NR6A1: variants seen among roughly 807,000 people sequenced by gnomAD.
NR6A1 encodes the protein nuclear receptor subfamily 6 group A member 1.
NR6A1 carries 7 observed loss-of-function variants against 59.1 expected under a neutral mutation model. The ratio of observed to expected loss-of-function variants is 0.12; its 90% CI spans 0.07 to 0.22. The LOEUF is 0.22. NR6A1 is among the 10% of genes least tolerant of loss of function. The probability of loss-of-function intolerance (pLI) is 1.00; values close to 1 mark genes in which losing one functional copy is unlikely to be tolerated. For missense variants in NR6A1, 468 were observed against 611.6 expected, an observed-to-expected ratio of 0.77 and a Z score of 2.48; for synonymous variants, 243 against 236.1, an observed-to-expected ratio of 1.03 and a Z score of -0.27.
At chr9:124,618,353 T>C (rs1223583044) in intron 2 of NR6A1, among the ~76,000 whole-genome samples, 2 of 152,022 alleles carry the variant, frequency 1.3e-5, no homozygotes, top group East Asian at 3.9e-4. Flanking sequence ...CGTGGTGGCA[T>C]GTGCCTGTAA....
intron 1 of NR6A1, among the ~76,000 whole-genome samples, chr9:124,750,879 G>A (rs983362730): frequency 6.6e-6 from 1 of 152,144 alleles, no homozygotes; most frequent in Non-Finnish European, 1.5e-5. Context: ...ATTGAAGTCT[G>A]GCTTTAATTC....
chr9:124,536,424 C>T (rs925099982), intron 6 of NR6A1, among the ~76,000 whole-genome samples: 1 of 152,108 alleles, frequency 6.6e-6, no homozygotes, highest in Non-Finnish European at 1.5e-5. Context: ...ACTGTAATCC[C>T]AGCACTTGGA....
chr9:124,759,943 G>C (rs1840740604), intron 1 of NR6A1, among the ~76,000 whole-genome samples: 1 of 151,670 alleles, frequency 6.6e-6, no homozygotes, highest in African/African-American at 2.4e-5. Context: ...AGGAGGCTGA[G>C]GCAGAAAAAT....
At chr9:124,760,345 T>C (rs769060741) in intron 1 of NR6A1, among the ~76,000 whole-genome samples, 3 of 151,774 alleles carry the variant, frequency 2.0e-5, no homozygotes, top group Non-Finnish European at 4.4e-5. Flanking sequence ...AAAAATAAAA[T>C]AAAAGCCAGC....
intron 2 of NR6A1, among the ~76,000 whole-genome samples, chr9:124,621,525 A>G (rs1014914744): frequency 6.6e-6 from 1 of 151,806 alleles, no homozygotes; most frequent in Admixed American, 6.6e-5. Flanking sequence ...GTGGTGGTGC[A>G]AGCCTGCAGT....
In NR6A1 at chr9:124,537,461, G is replaced by C. The variant is rs1002288401; in HGVS notation, c.824+631C>G. 3.3e-5 allele frequency among the ~76,000 whole-genome samples: 5 copies of C among 152,248 alleles called. No homozygotes were observed. The South Asian group carries it at 1.0e-3, about 32-fold the overall frequency. The stretch of plus-strand genomic sequence containing the variant: ...TATTTTAATCTCCTCTTCTGAAACT[G>C]GAGACTAGCTTAAGAAATCTCAGGA... On this transcript the variant is annotated intron_variant, in intron 6 of 9. Transcript: ENST00000487099.
At chr9:124,738,252 T>TCAAAA (rs941483014) in intron 1 of NR6A1, among the ~76,000 whole-genome samples, 11 of 152,120 alleles carry the variant, frequency 7.2e-5, no homozygotes, top group South Asian at 4.1e-4. Flanking sequence ...AGACTCTGTC[T>TCAAAA]CAAAACAAAA....
chr9:124,582,852 A>T (rs1316016928), intron 2 of NR6A1, among the ~76,000 whole-genome samples: 1 of 152,256 alleles, frequency 6.6e-6, no homozygotes, highest in Non-Finnish European at 1.5e-5. Flanking sequence ...TGCATACTGC[A>T]AAAGAACAAG....
intron 1 of NR6A1, among the ~76,000 whole-genome samples, chr9:124,757,117 A>G (rs530031083): frequency 6.6e-6 from 1 of 152,180 alleles, no homozygotes; most frequent in African/African-American, 2.4e-5. Flanking sequence ...ATAAATAAGT[A>G]CTGCTGGCAG....
intron 2 of NR6A1, among the ~76,000 whole-genome samples, chr9:124,632,395 G>C (rs1160137291): frequency 6.6e-6 from 1 of 152,136 alleles, no homozygotes; most frequent in African/African-American, 2.4e-5. Context: ...TTGTGGTTTT[G>C]ACTAACATTT....
At chr9:124,602,454 T>C (rs1164545775) in intron 2 of NR6A1, among the ~76,000 whole-genome samples, 2 of 152,142 alleles carry the variant, frequency 1.3e-5, no homozygotes, top group African/African-American at 2.4e-5. Context: ...TTAAGCAACA[T>C]GTGAAGCTGA....
intron 2 of NR6A1, among the ~76,000 whole-genome samples, chr9:124,559,164 A>G (rs1362381062): frequency 6.6e-6 from 1 of 152,178 alleles, no homozygotes; most frequent in African/African-American, 2.4e-5. Flanking sequence ...ATATTACTGA[A>G]TCTGGAATCT....
At chr9:124,609,076 C>A (rs1317627600) in intron 2 of NR6A1, among the ~76,000 whole-genome samples, 1 of 152,128 alleles carries the variant, frequency 6.6e-6, no homozygotes, top group Non-Finnish European at 1.5e-5. Flanking sequence ...TTCTCCCATT[C>A]TATAGGTTGT....
intron 2 of NR6A1, among the ~76,000 whole-genome samples, chr9:124,716,475 T>TA (rs2131084169): frequency 6.6e-6 from 1 of 152,300 alleles, no homozygotes; most frequent in Non-Finnish European, 1.5e-5. Flanking sequence ...ATAAAAATTT[T>TA]AAAGTTCTGT....
intron 2 of NR6A1, among the ~76,000 whole-genome samples, chr9:124,603,861 C>T (rs931291213): frequency 3.3e-5 from 5 of 152,200 alleles, no homozygotes; most frequent in African/African-American, 1.2e-4. Context: ...CCAATTCCAA[C>T]TCCAGCAAAT....
intron 1 of NR6A1, among the ~76,000 whole-genome samples, chr9:124,766,713 C>T (rs1230021022): frequency 6.6e-6 from 1 of 152,156 alleles, no homozygotes; most frequent in Non-Finnish European, 1.5e-5. Context: ...CAAAAATAAA[C>T]TTAAGAAGCA....
chr9:124,703,763 G>A (rs368612402), intron 2 of NR6A1, among the ~76,000 whole-genome samples: 41 of 152,126 alleles, frequency 2.7e-4, no homozygotes, highest in East Asian at 1.7e-3. Context: ...AGAATGAGTT[G>A]TCAAGTGTTC....
Position 124,744,717 on chromosome 9 carries a change from T to A in NR6A1, c.101-11368A>T, listed in dbSNP as rs187492784. On this transcript the variant is annotated intron_variant, in intron 1 of 9. Coordinates refer to ENST00000487099, the MANE Select transcript of NR6A1 (RefSeq NM_033334.4). ...AGCTACTGAGGGAAGTGAAGATGTT[T>A]TTATTTGTTCATTGTCATTGTGAAG... Among the ~76,000 whole-genome samples the A allele has an allele frequency of 2.6e-5, 4 of 152,322 alleles. No individual in the cohort carries two copies. The East Asian group carries it at 7.7e-4, about 29-fold the overall frequency.
At chr9:124,694,153 C>A (rs2131028935) in intron 2 of NR6A1, among the ~76,000 whole-genome samples, 1 of 152,178 alleles carries the variant, frequency 6.6e-6, no homozygotes, top group South Asian at 2.1e-4. Context: ...ATCTGCAATC[C>A]ATTTCCTCGG....
Sources: allele counts gnomAD v4.1 joint callset (sites outside exome capture counted in the v4.1 genomes callset), GRCh38; gene constraint gnomAD v4.1.1; transcripts MANE v1.5; gene names NCBI Gene and HGNC (gene_info 2026-07-23, HGNC 2026-07-21).